Variants in TOX2 observed in about 807,000 individuals in gnomAD.
The protein encoded by TOX2 is granulosa cell HMG box 1.
TOX2 carries 15 observed loss-of-function variants against 47.4 expected under a neutral mutation model. The observed-to-expected ratio is 0.32, with a 90% CI of 0.21 to 0.49. The LOEUF (loss-of-function observed/expected upper bound fraction) is 0.49, where lower values mean the gene tolerates loss of function less well. Among genes scored for constraint, TOX2 ranks in the 20% least tolerant of loss-of-function variants. The pLI, the probability that TOX2 is intolerant of heterozygous loss-of-function variation, is 0.99. For synonymous variants in TOX2, 290 were observed against 296.6 expected (o/e 0.98, Z 0.23); for missense variants, 622 against 673.1 (o/e 0.92, Z 0.84).
chr20:43,995,050 C>T (rs952789110), intron 2 of TOX2, among the ~76,000 whole-genome samples: 3 of 151,852 alleles, frequency 2.0e-5, no homozygotes, highest in Non-Finnish European at 4.4e-5. Context: ...CCAGAATCCA[C>T]GCTTCATTTT....
At chr20:43,996,275 C>G (rs1170894467) in intron 2 of TOX2, among the ~76,000 whole-genome samples, 1 of 152,142 alleles carries the variant, frequency 6.6e-6, no homozygotes, top group African/African-American at 2.4e-5. Context: ...GATGTTGTAG[C>G]TGAGATGTTC....
chr20:44,022,835 C>T (rs1357824688), intron 3 of TOX2, among the ~76,000 whole-genome samples: 1 of 152,182 alleles, frequency 6.6e-6, no homozygotes, highest in African/African-American at 2.4e-5. Flanking sequence ...GTGGGGTGTC[C>T]TTGGGATCCA....
chr20:43,919,228 C>T (rs1297754532), intron 1 of TOX2, among the ~76,000 whole-genome samples: 1 of 152,234 alleles, frequency 6.6e-6, no homozygotes, highest in Admixed American at 6.5e-5. Context: ...AGGCACTGTG[C>T]ACAGCAACTG....
chr20:44,065,317 C>G (rs2071793852), intron 6 of TOX2, among the ~76,000 whole-genome samples: 1 of 152,134 alleles, frequency 6.6e-6, no homozygotes, highest in South Asian at 2.1e-4. Context: ...GGGTGTTGTT[C>G]CTGGTACAGA....
At chr20:43,958,911 C>G (rs1311687607) in intron 1 of TOX2, among the ~76,000 whole-genome samples, 1 of 152,192 alleles carries the variant, frequency 6.6e-6, no homozygotes, top group Non-Finnish European at 1.5e-5. Flanking sequence ...CTTAGTGGGT[C>G]CACAGTGAAG....
chr20:43,988,041 T>C (rs1374216936), intron 2 of TOX2, among the ~76,000 whole-genome samples: 2 of 146,780 alleles, frequency 1.4e-5, no homozygotes, highest in African/African-American at 5.0e-5. Context: ...TGCCTCAGCC[T>C]CCTGAGTAGC....
chr20:43,922,816 C>T (rs1251421663), intron 1 of TOX2, among the ~76,000 whole-genome samples: 1 of 152,180 alleles, frequency 6.6e-6, no homozygotes, highest in Non-Finnish European at 1.5e-5. Flanking sequence ...CTGGGTTTCT[C>T]AGATGTTCAA....
At chr20:43,950,308 G>A (rs1041007075) in intron 1 of TOX2, among the ~76,000 whole-genome samples, 2 of 152,206 alleles carry the variant, frequency 1.3e-5, no homozygotes, top group Admixed American at 1.3e-4. Flanking sequence ...GCCCTGCTGA[G>A]GTTCCTCGGA....
rs140555439 is a variant in TOX2, at chr20:44,031,345, C to A, written c.412-19961C>A. Among the ~76,000 whole-genome samples the A allele has an allele frequency of 1.5e-3, 234 of 152,298 alleles. 1 individual carries two copies. Among genetic ancestry groups the A allele is most frequent in the African/African-American group, 5.0e-3 (207 of 41,558 alleles). On this transcript the variant is annotated intron_variant, in intron 3 of 8. Coordinates refer to ENST00000341197, the MANE Select transcript of TOX2 (RefSeq NM_001098797.2). Reference sequence around the variant, plus strand: ...GACTCCTCTGCAATGCCACTTTCCCCGTTCACTGGAAGGGGTGAGATACTT... The same window carrying A: ...GACTCCTCTGCAATGCCACTTTCCCAGTTCACTGGAAGGGGTGAGATACTT...
chr20:44,019,069 A>C (rs1381439239), intron 3 of TOX2, among the ~76,000 whole-genome samples: 1 of 152,208 alleles, frequency 6.6e-6, no homozygotes, highest in Admixed American at 6.5e-5. Context: ...CAGGTGTCTG[A>C]AAAAGGTTTG....
At chr20:44,025,158 A>T (rs957711868) in intron 3 of TOX2, among the ~76,000 whole-genome samples, 22 of 152,086 alleles carry the variant, frequency 1.4e-4, no homozygotes, top group African/African-American at 3.4e-4. Flanking sequence ...TTTTTAAAAA[A>T]TTTTATTATT....
rs139449576 is a variant in TOX2, at chr20:44,065,878, C to T, written c.1127C>T (p.Thr376Met). Residue 376 changes from threonine to methionine, a missense_variant, in exon 7 of 9, where the codon ACG becomes ATG. Transcript: ENST00000341197. ...SGASPASLAR[T>M]LGSKSLLPGL... The stretch of plus-strand genomic sequence containing the variant: ...GCCTCCCCTGCCAGCCTCGCCCGGA[C>T]GCTGGGCTCCAAGTCTCTGCTGCCA... 4.2e-5 allele frequency: 67 copies of T among 1,612,938 alleles called. No homozygotes were observed. The highest frequency in any genetic ancestry group is 4.9e-5 in the Non-Finnish European group (58 of 1,179,370).
intron 3 of TOX2, among the ~76,000 whole-genome samples, chr20:44,016,201 A>G (rs2070875754): frequency 6.6e-6 from 1 of 151,902 alleles, no homozygotes; most frequent in African/African-American, 2.4e-5. Flanking sequence ...TTCTCCCAGC[A>G]CCCTTTAAGG....
intron 1 of TOX2, among the ~76,000 whole-genome samples, chr20:43,941,491 C>T (rs945205056): frequency 5.3e-5 from 8 of 152,064 alleles, no homozygotes; most frequent in Admixed American, 5.2e-4. Flanking sequence ...TGCCACCACA[C>T]CTGGCTAATT....
chr20:44,068,690 C>T lies in TOX2; in HGVS notation c.*4C>T, dbSNP rs747936062. On this transcript the variant is annotated 3_prime_UTR_variant, in exon 9 of 9. Coordinates refer to ENST00000341197, the MANE Select transcript of TOX2 (RefSeq NM_001098797.2). ...CAAATCGCTCTACCTCACCTAATCCCGCCTCCCTACCATCCCTGAGGCTCG... is the reference window on the plus strand; with the variant it reads ...CAAATCGCTCTACCTCACCTAATCCTGCCTCCCTACCATCCCTGAGGCTCG... 44 of 1,613,948 alleles carry T rather than the reference C, an allele frequency of 2.7e-5. 1 individual carries two copies. In the South Asian group the frequency reaches 3.0e-4, roughly 11 times the overall value.
chr20:43,950,943 C>T (rs995891185), intron 1 of TOX2, among the ~76,000 whole-genome samples: 4 of 151,872 alleles, frequency 2.6e-5, no homozygotes, highest in African/African-American at 4.8e-5. Flanking sequence ...TGAGTAAGAA[C>T]CAGCCCAGCA....
chr20:44,037,047 C>T (rs947532576), intron 3 of TOX2, among the ~76,000 whole-genome samples: 1 of 152,182 alleles, frequency 6.6e-6, no homozygotes, highest in East Asian at 1.9e-4. Flanking sequence ...CTCTACCTCC[C>T]GGGTTCAAGC....
intron 2 of TOX2, among the ~76,000 whole-genome samples, chr20:43,994,016 G>C (rs1287312211): frequency 6.6e-6 from 1 of 151,984 alleles, no homozygotes. Flanking sequence ...GTAGGACATG[G>C]TGGCACACGC....
intron 4 of TOX2, 57 bp from the exon 5 acceptor site, chr20:44,054,242 C>T (rs572066015): frequency 1.3e-6 from 2 of 1,540,624 alleles, no homozygotes; most frequent in South Asian, 2.4e-5. Context: ...GTGTTGATCG[C>T]CTTTGGCAGG....
Sources: gnomAD v4.1 joint callset for allele counts (sites outside exome capture counted in the v4.1 genomes callset) on GRCh38, gnomAD v4.1.1 for gene constraint, MANE v1.5 for transcripts, NCBI Gene and HGNC (gene_info 2026-07-23, HGNC 2026-07-21) for gene names.